Variants in SLC24A3 observed in about 807,000 individuals in gnomAD.
SLC24A3 encodes the protein solute carrier family 24 member 3.
In SLC24A3, 28 loss-of-function variants were observed where a neutral mutation model predicts 75.8. The ratio of observed to expected loss-of-function variants is 0.37; its 90% CI spans 0.27 to 0.51. The LOEUF (loss-of-function observed/expected upper bound fraction) is 0.51. SLC24A3 is among the 20% of genes least tolerant of loss of function. SLC24A3 has a pLI of 0.94. For missense variants in SLC24A3, 663 were observed against 847.8 expected, an observed-to-expected ratio of 0.78 and a Z score of 2.71; for synonymous variants, 372 against 334.1, an observed-to-expected ratio of 1.11 and a Z score of -1.24.
intron 3 of SLC24A3, among the ~76,000 whole-genome samples, chr20:19,551,998 G>A (rs995021857): frequency 6.6e-6 from 1 of 152,174 alleles, no homozygotes; most frequent in Non-Finnish European, 1.5e-5. Context: ...CGTCGCCACT[G>A]CTTGCTCTTT....
At chr20:19,490,636 T>C (rs1988195692) in intron 2 of SLC24A3, among the ~76,000 whole-genome samples, 1 of 152,174 alleles carries the variant, frequency 6.6e-6, no homozygotes, top group Non-Finnish European at 1.5e-5. Flanking sequence ...AGGGTGAAGA[T>C]TTTGCCAAAG....
chr20:19,522,428 C>T (rs2030115021), intron 3 of SLC24A3, among the ~76,000 whole-genome samples: 1 of 152,130 alleles, frequency 6.6e-6, no homozygotes, highest in South Asian at 2.1e-4. Flanking sequence ...GGAAGGACAC[C>T]CAAGTTAAAA....
intron 3 of SLC24A3, among the ~76,000 whole-genome samples, chr20:19,569,929 C>A (rs2122620603): frequency 6.6e-6 from 1 of 152,330 alleles, no homozygotes; most frequent in Non-Finnish European, 1.5e-5. Context: ...AAAGAGTTCT[C>A]TTTGGTCAAA....
intron 6 of SLC24A3, among the ~76,000 whole-genome samples, chr20:19,586,378 T>G (rs561306977): frequency 6.6e-6 from 1 of 152,342 alleles, no homozygotes; most frequent in South Asian, 2.1e-4. Flanking sequence ...AAGGCACTTC[T>G]AAAAGCTCAT....
chr20:19,416,229 A>G (rs1371040690), intron 2 of SLC24A3, among the ~76,000 whole-genome samples: 1 of 152,224 alleles, frequency 6.6e-6, no homozygotes, highest in Admixed American at 6.5e-5. Context: ...GGCACAAAAC[A>G]CAACACAAAA....
chr20:19,588,520 C>T (rs975467520), intron 6 of SLC24A3, among the ~76,000 whole-genome samples: 3 of 152,188 alleles, frequency 2.0e-5, no homozygotes, highest in Non-Finnish European at 4.4e-5. Flanking sequence ...GCAAACATAA[C>T]CCTCGCTTTG....
chr20:19,237,714 G>C (rs920007882), intron 1 of SLC24A3, among the ~76,000 whole-genome samples: 2 of 152,180 alleles, frequency 1.3e-5, no homozygotes, highest in African/African-American at 2.4e-5. Context: ...GCTGGATTGA[G>C]ATTCACTCTT....
At chr20:19,568,617 A>C (rs745407301) in intron 3 of SLC24A3, among the ~76,000 whole-genome samples, 1 of 152,202 alleles carries the variant, frequency 6.6e-6, no homozygotes, top group Non-Finnish European at 1.5e-5. Context: ...GAAAATGGGG[A>C]GTTATTGTTT....
chr20:19,332,940 G>T (rs1397922126), intron 2 of SLC24A3, among the ~76,000 whole-genome samples: 1 of 150,872 alleles, frequency 6.6e-6, no homozygotes, highest in Non-Finnish European at 1.5e-5. Context: ...ATAGCTTTCT[G>T]GTTTTGTCTC....
At chr20:19,362,112 A>T (rs1293484598) in intron 2 of SLC24A3, among the ~76,000 whole-genome samples, 2 of 152,242 alleles carry the variant, frequency 1.3e-5, no homozygotes. Flanking sequence ...CTGCATTAGA[A>T]AAAAGTGGAT....
At chr20:19,590,385 G>A (rs1452787453) in intron 6 of SLC24A3, among the ~76,000 whole-genome samples, 1 of 151,964 alleles carries the variant, frequency 6.6e-6, no homozygotes, top group African/African-American at 2.4e-5. Context: ...CCAACACACA[G>A]CTCCCCTGTT....
At chr20:19,512,568 G>C (rs373458758) in intron 2 of SLC24A3, among the ~76,000 whole-genome samples, 23 of 152,374 alleles carry the variant, frequency 1.5e-4, no homozygotes, top group African/African-American at 5.5e-4. Context: ...TCATGTTGTG[G>C]AGAATTGAAA....
intron 1 of SLC24A3, among the ~76,000 whole-genome samples, chr20:19,272,599 C>A (rs1207980792): frequency 6.6e-6 from 1 of 152,230 alleles, no homozygotes; most frequent in African/African-American, 2.4e-5. Context: ...CCCAGAAAAT[C>A]TGGATTCTGT....
chr20:19,264,090 C>T (rs980602160), intron 1 of SLC24A3: 18 of 149,434 alleles, frequency 1.2e-4, no homozygotes, highest in Admixed American at 7.4e-4. Context: ...TGGTGGTGCA[C>T]GTCTGTAGTT....
intron 3 of SLC24A3, among the ~76,000 whole-genome samples, chr20:19,551,459 G>A (rs552865243): frequency 4.6e-5 from 7 of 152,176 alleles, no homozygotes; most frequent in African/African-American, 1.7e-4. Flanking sequence ...TATTAAAACA[G>A]AAGTGGTATT....
At chr20:19,397,400 A>G (rs1354007099) in intron 2 of SLC24A3, among the ~76,000 whole-genome samples, 9 of 152,202 alleles carry the variant, frequency 5.9e-5, no homozygotes, top group African/African-American at 1.9e-4. Context: ...TCCAATCAAG[A>G]TAAGAAACTA....
chr20:19,266,920 C>T (rs1196399593), intron 1 of SLC24A3, among the ~76,000 whole-genome samples: 4 of 151,958 alleles, frequency 2.6e-5, no homozygotes, highest in Non-Finnish European at 5.9e-5. Context: ...TTATACCTAT[C>T]TTTGTATTTG....
chr20:19,605,738 A>T (rs2031588615), intron 6 of SLC24A3, among the ~76,000 whole-genome samples: 1 of 152,238 alleles, frequency 6.6e-6, no homozygotes, highest in Non-Finnish European at 1.5e-5. Flanking sequence ...TTTCCCCTTG[A>T]ATCAACCCAT....
chr20:19,666,046 A>G (rs2032395560), intron 8 of SLC24A3, among the ~76,000 whole-genome samples, 157 bp downstream of exon 8: 1 of 152,110 alleles, frequency 6.6e-6, no homozygotes, highest in Admixed American at 6.6e-5. Context: ...CTCAGGGGAG[A>G]AATTAAATTC....
Sources: allele counts gnomAD v4.1 joint callset (sites outside exome capture counted in the v4.1 genomes callset), GRCh38; gene constraint gnomAD v4.1.1; transcripts MANE v1.5; gene names NCBI Gene and HGNC (gene_info 2026-07-23, HGNC 2026-07-21).